Variants in TMED7 observed in about 807,000 individuals in gnomAD.
TMED7 encodes transmembrane emp24 domain-containing protein 7.
A neutral mutation model predicts 23.4 loss-of-function variants in TMED7; 8 were observed. The observed-to-expected ratio is 0.34, with a 90% CI of 0.20 to 0.62. TMED7 has a LOEUF of 0.62. Among genes scored for constraint, TMED7 ranks in the 20% least tolerant of loss-of-function variants. The pLI, the probability that TMED7 is intolerant of heterozygous loss-of-function variation, is 0.77. For missense variants in TMED7, 232 were observed against 279.1 expected (o/e 0.83, Z 1.20); for synonymous variants, 121 against 108.5 (o/e 1.12, Z -0.72).
At chr5:115,625,126 A>G (rs1170405604) in intron 1 of TMED7, among the ~76,000 whole-genome samples, 1 of 152,206 alleles carries the variant, frequency 6.6e-6, no homozygotes, top group East Asian at 1.9e-4. Context: ...CCCTTGGCAA[A>G]TGGCCGTTCA....
rs1158157508 is a variant in TMED7 at position 115,616,162 on chromosome 5, GA to G, written c.*46del. On this transcript the variant is annotated 3_prime_UTR_variant, in exon 3 of 3. Coordinates refer to ENST00000456936, the MANE Select transcript of TMED7 (RefSeq NM_181836.6). Reference sequence around the variant, plus strand: ...CTTCAGTACCTAAAATTAATTAGAGGACAGCAATATTACAGTGGCAATGGTG... The same window carrying G: ...CTTCAGTACCTAAAATTAATTAGAGGCAGCAATATTACAGTGGCAATGGTG... 2.6e-6 allele frequency: 4 copies of G among 1,548,908 alleles called. No homozygotes were observed. In the African/African-American group the frequency reaches 5.5e-5, roughly 21 times the overall value.
chr5:115,623,710 G>A (rs1397439454), intron 1 of TMED7, among the ~76,000 whole-genome samples: 3 of 152,140 alleles, frequency 2.0e-5, no homozygotes, highest in South Asian at 2.1e-4. Context: ...GTAGAGCAAC[G>A]GCTACTTATC....
Position 115,620,699 on chromosome 5 carries a change from G to GA in TMED7, c.193-20dup. The GA allele has an allele frequency of 1.5e-6, 2 of 1,369,084 alleles. No individual in the cohort carries two copies. The highest frequency in any genetic ancestry group is 1.5e-5 in the African/African-American group (1 of 66,910). 84.8% of individuals were successfully genotyped at this position (1,369,084 alleles called of 1,614,324 possible). On this transcript the variant is annotated intron_variant, in intron 1 of 2. Coordinates refer to ENST00000456936, the MANE Select transcript of TMED7 (RefSeq NM_181836.6). ...TAATCACCTGTAAGAGATTAAAAAA[G>GA]AAAAATCACTGTGAAAAGTGTGAAA...
At position 115,615,918 on chromosome 5, in the gene TMED7, T is replaced by C. The variant is rs1756714271; in HGVS notation, c.*291A>G. 2.9e-6 allele frequency: 1 copy of C among 348,156 alleles called. No homozygotes were observed. The highest frequency in any genetic ancestry group is 5.3e-6 in the Non-Finnish European group (1 of 190,108). The allele number at this position is 348,156 out of a possible 1,614,324, so 21.6% of individuals were successfully genotyped here. A position where few individuals can be genotyped will look rare whatever the true frequency, so the allele number is the denominator to read the frequency against. Reference sequence around the variant, plus strand: ...CTTAAATGGTTAAAAGGAATCAAAATACCAAAGTTTAGTGTGCGAAGAGTA... The same window carrying C: ...CTTAAATGGTTAAAAGGAATCAAAACACCAAAGTTTAGTGTGCGAAGAGTA... On this transcript the variant is annotated 3_prime_UTR_variant, in exon 3 of 3. Coordinates refer to ENST00000456936, the MANE Select transcript of TMED7 (RefSeq NM_181836.6).
Position 115,616,198 on chromosome 5 carries a change from T to C in TMED7, c.*11A>G. The C allele has an allele frequency of 6.2e-7, 1 of 1,613,272 alleles. No homozygotes were observed. Among genetic ancestry groups the C allele is most frequent in the Non-Finnish European group, 8.5e-7 (1 of 1,179,270 alleles). ...TACAGTGGCAATGGTGCATCAATTC[T>C]CAAAACGTAGTTATGATCCAACACG... On this transcript the variant is annotated 3_prime_UTR_variant, in exon 3 of 3. Transcript: ENST00000456936.
In TMED7 at chr5:115,614,724, A is replaced by T. The variant is rs1756625617; in HGVS notation, c.*1485T>A. The T allele has an allele frequency of 6.6e-6, 1 of 152,146 alleles. No individual in the cohort carries two copies. 9.4% of individuals were successfully genotyped at this position (152,146 alleles called of 1,614,324 possible). A position where few individuals can be genotyped will look rare whatever the true frequency, so the allele number is the denominator to read the frequency against. On this transcript the variant is annotated 3_prime_UTR_variant, in exon 3 of 3. Coordinates refer to ENST00000456936, the MANE Select transcript of TMED7 (RefSeq NM_181836.6). Reference sequence around the variant, plus strand: ...TGAATTTGTTTTGCTCTTCCATGCAAGAAGTATATATATGCATTTTAAGAT... The same window carrying T: ...TGAATTTGTTTTGCTCTTCCATGCATGAAGTATATATATGCATTTTAAGAT...
In TMED7 at chr5:115,626,004, G is replaced by C; in HGVS notation, c.-212C>G. 2 of 572,996 alleles carry C rather than the reference G, an allele frequency of 3.5e-6. No homozygotes were observed. The highest frequency in any genetic ancestry group is 5.2e-6 in the Non-Finnish European group (2 of 382,940). The allele number at this position is 572,996 out of a possible 1,614,324, so 35.5% of individuals were successfully genotyped here. A position where few individuals can be genotyped will look rare whatever the true frequency, so the allele number is the denominator to read the frequency against. ...GGACCTGGGGAGGTAAAAGAGAAGC[G>C]GAAAAGGCCTGAGAGGGTCGGAAGT... On this transcript the variant is annotated 5_prime_UTR_variant, in exon 1 of 3. Transcript: ENST00000456936.
At chr5:115,618,121 G>A (rs1204230780) in intron 2 of TMED7, among the ~76,000 whole-genome samples, 1 of 152,154 alleles carries the variant, frequency 6.6e-6, no homozygotes, top group Non-Finnish European at 1.5e-5. Context: ...AACTTTTACA[G>A]TGAAAACTTC....
At chr5:115,620,275 C>T (rs778701635) in intron 2 of TMED7, 160 bp downstream of exon 2, 48 of 1,011,662 alleles carry the variant, frequency 4.7e-5, no homozygotes, top group Non-Finnish European at 5.8e-5. Context: ...CTACAAAAGT[C>T]TGAAGTTCTC....
intron 1 of TMED7, 132 bp downstream of exon 1, chr5:115,625,469 C>A: frequency 9.3e-7 from 1 of 1,077,788 alleles, no homozygotes. Context: ...TGCTGGGCAT[C>A]AGCTACCTAG....
At position 115,625,769 on chromosome 5, in the gene TMED7, C is replaced by A; in HGVS notation, c.24G>T (p.Gln8His). The A allele has an allele frequency of 2.0e-6, 3 of 1,480,008 alleles. No individual in the cohort carries two copies. The highest frequency in any genetic ancestry group is 2.7e-6 in the Non-Finnish European group (3 of 1,118,614). 91.7% of individuals were successfully genotyped at this position (1,480,008 alleles called of 1,614,324 possible). MPRPGSAQRWAAVAGRWG... is the reference protein window; with the variant it reads MPRPGSAHRWAAVAGRWG... ...AACGGCCCGCGACGGCCGCCCAGCG[C>A]TGCGCGGACCCCGGCCGCGGCATCC... Residue 8 changes from glutamine to histidine, a missense_variant, in exon 1 of 3, where the codon CAG becomes CAT. Coordinates refer to ENST00000456936, the MANE Select transcript of TMED7 (RefSeq NM_181836.6).
chr5:115,616,117 A>C lies in TMED7; in HGVS notation c.*92T>G. ...ACAAGTGTATGAGTAAGGATTTAAA[A>C]ATGTTGCCAATATTAAGTTCTTCAG... On this transcript the variant is annotated 3_prime_UTR_variant, in exon 3 of 3. Transcript: ENST00000456936. The C allele has an allele frequency of 1.6e-6, 2 of 1,232,550 alleles. No individual in the cohort carries two copies. 76.4% of individuals were successfully genotyped at this position (1,232,550 alleles called of 1,614,324 possible).
At position 115,615,935 on chromosome 5, in the gene TMED7, C is replaced by A; in HGVS notation, c.*274G>T. 7.5e-6 allele frequency: 3 copies of A among 399,104 alleles called. No homozygotes were observed. The highest frequency in any genetic ancestry group is 4.4e-5 in the East Asian group (1 of 22,620). The allele number at this position is 399,104 out of a possible 1,614,324, so 24.7% of individuals were successfully genotyped here. A position where few individuals can be genotyped will look rare whatever the true frequency, so the allele number is the denominator to read the frequency against. On this transcript the variant is annotated 3_prime_UTR_variant, in exon 3 of 3. Coordinates refer to ENST00000456936, the MANE Select transcript of TMED7 (RefSeq NM_181836.6). Reference sequence around the variant, plus strand: ...AATCAAAATACCAAAGTTTAGTGTGCGAAGAGTAGATATAAACAACTGCGA... The same window carrying A: ...AATCAAAATACCAAAGTTTAGTGTGAGAAGAGTAGATATAAACAACTGCGA...
intron 1 of TMED7, among the ~76,000 whole-genome samples, chr5:115,621,365 G>T (rs1239109158): frequency 6.6e-6 from 1 of 152,158 alleles, no homozygotes; most frequent in Non-Finnish European, 1.5e-5. Flanking sequence ...TATTCTAAAA[G>T]TATATAATCA....
At chr5:115,616,490 G>C (rs17474370) in intron 2 of TMED7, 45 bp from the exon 3 acceptor site, 34,253 of 1,611,510 alleles carry the variant, frequency 0.021, 452 homozygotes, top group Non-Finnish European at 0.025. Flanking sequence ...ACTTTCTGTA[G>C]ACTTCATCTA....
At chr5:115,625,477 T>C in intron 1 of TMED7, 124 bp downstream of exon 1, 2 of 1,198,584 alleles carry the variant, frequency 1.7e-6, no homozygotes, top group Non-Finnish European at 2.2e-6. Context: ...ATCAGCTACC[T>C]AGAAGCGATT....
rs1007264600 is a variant in TMED7 at position 115,625,775 on chromosome 5, G to C, written c.18C>G (p.Ser6=). The C allele has an allele frequency of 1.4e-6, 2 of 1,458,374 alleles. No homozygotes were observed. Among genetic ancestry groups the C allele is most frequent in the African/African-American group, 3.0e-5 (2 of 67,234 alleles). 90.3% of individuals were successfully genotyped at this position (1,458,374 alleles called of 1,614,324 possible). MPRPG[S]AQRWAAVAGR... ...CCGCGACGGCCGCCCAGCGCTGCGC[G>C]GACCCCGGCCGCGGCATCCCGAGAA... Residue 6 remains serine, a synonymous_variant, in exon 1 of 3, where the codon TCC becomes TCG. Coordinates refer to ENST00000456936, the MANE Select transcript of TMED7 (RefSeq NM_181836.6).
chr5:115,624,380 T>G (rs1449467063), intron 1 of TMED7, among the ~76,000 whole-genome samples: 2 of 152,168 alleles, frequency 1.3e-5, no homozygotes, highest in Non-Finnish European at 2.9e-5. Flanking sequence ...TTTACCCCAC[T>G]GCTATCACTC....
At chr5:115,623,944 T>C (rs1368796105) in intron 1 of TMED7, among the ~76,000 whole-genome samples, 2 of 152,216 alleles carry the variant, frequency 1.3e-5, no homozygotes, top group Non-Finnish European at 1.5e-5. Context: ...TTTAGCTACT[T>C]CTACGTTTTA....
Sources: allele counts gnomAD v4.1 joint callset (sites outside exome capture counted in the v4.1 genomes callset), GRCh38; gene constraint gnomAD v4.1.1; transcripts MANE v1.5; gene names NCBI Gene and HGNC (gene_info 2026-07-23, HGNC 2026-07-21).